ACOXL: variants seen among roughly 807,000 people sequenced by gnomAD.
ACOXL encodes acyl-coenzyme A oxidase-like protein.
In ACOXL, 70 loss-of-function variants were observed where a neutral mutation model predicts 71.9. The observed-to-expected ratio is 0.97, with a 90% confidence interval of 0.80 to 1.19. ACOXL has a LOEUF of 1.19. ACOXL is among the 50% of genes most tolerant of loss of function. The probability of loss-of-function intolerance (pLI) is 0.00; values close to 1 mark genes in which losing one functional copy is unlikely to be tolerated. For synonymous variants in ACOXL, 253 were observed against 281.6 expected, an observed-to-expected ratio of 0.90 and a Z score of 1.02; for missense variants, 703 against 736.3, an observed-to-expected ratio of 0.95 and a Z score of 0.52.
intron 10 of ACOXL, among the ~76,000 whole-genome samples, chr2:110,903,593 A>G (rs796669153): frequency 1.4e-4 from 22 of 152,382 alleles, no homozygotes; most frequent in African/African-American, 5.3e-4. Flanking sequence ...ACAGAGAGAA[A>G]TATAGCCTTT....
chr2:110,796,515 T>C (rs1159987295), intron 5 of ACOXL, among the ~76,000 whole-genome samples: 1 of 152,316 alleles, frequency 6.6e-6, no homozygotes, highest in East Asian at 1.9e-4. Context: ...AAACCTCCTT[T>C]CCCAGAGTGT....
intron 1 of ACOXL, among the ~76,000 whole-genome samples, chr2:110,738,680 A>T (rs1442915492): frequency 6.6e-6 from 1 of 152,136 alleles, no homozygotes; most frequent in Non-Finnish European, 1.5e-5. Flanking sequence ...GTGGCTTGAC[A>T]TGGGTTCTTT....
intron 12 of ACOXL, among the ~76,000 whole-genome samples, chr2:110,948,060 C>G (rs1030197797): frequency 2.0e-5 from 3 of 152,246 alleles, no homozygotes; most frequent in Admixed American, 6.5e-5. Flanking sequence ...CCCAGCTGCC[C>G]TGTTTCTCCT....
chr2:110,764,699 A>G (rs866260967), intron 1 of ACOXL, among the ~76,000 whole-genome samples: 10 of 151,950 alleles, frequency 6.6e-5, no homozygotes, highest in South Asian at 2.1e-4. Flanking sequence ...CAAATATACC[A>G]CTCTGGTGGG....
At chr2:111,045,344 G>A (rs375952404) in intron 15 of ACOXL, among the ~76,000 whole-genome samples, 5 of 152,336 alleles carry the variant, frequency 3.3e-5, no homozygotes, top group African/African-American at 1.2e-4. Context: ...ATGTCAACTT[G>A]TCATGAGGCT....
intron 14 of ACOXL, among the ~76,000 whole-genome samples, chr2:111,025,270 T>C (rs1032274863): frequency 6.6e-6 from 1 of 152,250 alleles, no homozygotes; most frequent in African/African-American, 2.4e-5. Flanking sequence ...TTGGCTATTA[T>C]GAATAAAGCT....
intron 15 of ACOXL, among the ~76,000 whole-genome samples, chr2:111,048,730 CT>C: frequency 6.6e-6 from 1 of 151,604 alleles, no homozygotes; most frequent in African/African-American, 2.4e-5. Context: ...AGAAAGACGA[CT>C]TTATATATTT....
intron 16 of ACOXL, among the ~76,000 whole-genome samples, chr2:111,087,974 G>A (rs1314089175): frequency 6.6e-6 from 1 of 152,112 alleles, no homozygotes; most frequent in South Asian, 2.1e-4. Flanking sequence ...CCATTGAAGA[G>A]TAGGCAAAGA....
At position 110,746,809 on chromosome 2, in the gene ACOXL, C is replaced by G. The variant is rs190331559; in HGVS notation, c.-23+14035C>G. Among the ~76,000 whole-genome samples, 178 of 151,776 alleles carry G rather than the reference C, an allele frequency of 1.2e-3. 2 individuals carry two copies. Among genetic ancestry groups the G allele is most frequent in the African/African-American group, 3.7e-3 (155 of 41,340 alleles). On this transcript the variant is annotated intron_variant, in intron 1 of 17. Coordinates refer to ENST00000439055, the MANE Select transcript of ACOXL (RefSeq NM_001142807.4). The stretch of plus-strand genomic sequence containing the variant: ...TGCTTGTCGGCCTCCCCCTTTCCCC[C>G]TCTTCTCCCCCCGCCCTTTAGTTGC...
At chr2:110,743,118 T>C (rs1232702894) in intron 1 of ACOXL, among the ~76,000 whole-genome samples, 2 of 152,244 alleles carry the variant, frequency 1.3e-5, no homozygotes, top group Non-Finnish European at 2.9e-5. Context: ...TCCATGGAGT[T>C]GTGTATTCTG....
intron 2 of ACOXL, among the ~76,000 whole-genome samples, chr2:110,769,021 A>G (rs994264171): frequency 1.1e-4 from 17 of 152,036 alleles, no homozygotes; most frequent in African/African-American, 4.1e-4. Context: ...AGGCGAGGGA[A>G]TAGGAGTATC....
chr2:110,876,738 C>G (rs1695956342), intron 10 of ACOXL, among the ~76,000 whole-genome samples: 1 of 152,156 alleles, frequency 6.6e-6, no homozygotes, highest in African/African-American at 2.4e-5. Flanking sequence ...TGAAATGATT[C>G]TAAAAGTATT....
chr2:111,107,053 G>T (rs763733386), intron 17 of ACOXL, among the ~76,000 whole-genome samples: 1 of 152,178 alleles, frequency 6.6e-6, no homozygotes. Context: ...TGTGGTCTCC[G>T]CTGACACCAT....
At chr2:110,946,990 C>T (rs1296637523) in intron 12 of ACOXL, among the ~76,000 whole-genome samples, 1 of 152,152 alleles carries the variant, frequency 6.6e-6, no homozygotes, top group Non-Finnish European at 1.5e-5. Context: ...TGTGACATTC[C>T]CAGTGGCCAG....
intron 2 of ACOXL, among the ~76,000 whole-genome samples, chr2:110,774,078 CGTGCA>C (rs1211159879): frequency 3.9e-5 from 6 of 152,334 alleles, no homozygotes; most frequent in Middle Eastern, 6.8e-3. Flanking sequence ...CATTATTACT[CGTGCA>C]GTGAAATACT....
chr2:110,933,672 G>A, intron 12 of ACOXL, 30 bp downstream of exon 12: 1 of 1,591,222 alleles, frequency 6.3e-7, no homozygotes, highest in Non-Finnish European at 8.6e-7. Context: ...GCCCCCGTGG[G>A]TCCCCACGAT....
intron 11 of ACOXL, among the ~76,000 whole-genome samples, chr2:110,909,459 G>A (rs1321741724): frequency 2.0e-5 from 3 of 152,094 alleles, no homozygotes; most frequent in African/African-American, 7.2e-5. Context: ...CTTGTGTGTC[G>A]TGTTATCATC....
rs116373662 is a variant in ACOXL, at chr2:110,938,121, C to T, written c.1059+4479C>T. On this transcript the variant is annotated intron_variant, in intron 12 of 17. Coordinates refer to ENST00000439055, the MANE Select transcript of ACOXL (RefSeq NM_001142807.4). ...TACTCAGTGCGAACTGTGGAGGGTC[C>T]GCAAGCAGTGCCACTTGAGCAACTT... Among the ~76,000 whole-genome samples, 1,167 of 152,284 alleles carry T rather than the reference C, an allele frequency of 7.7e-3. 9 individuals carry two copies. The highest frequency in any genetic ancestry group is 0.051 in the Middle Eastern group (15 of 294).
chr2:110,798,772 A>G (rs1347805851), intron 6 of ACOXL, 48 bp downstream of exon 6: 5 of 1,544,468 alleles, frequency 3.2e-6, no homozygotes, highest in African/African-American at 2.7e-5. Flanking sequence ...CATTAGTACT[A>G]TTTACCAGTG....
Sources: gnomAD v4.1 joint callset for allele counts (sites outside exome capture counted in the v4.1 genomes callset) on GRCh38, gnomAD v4.1.1 for gene constraint, MANE v1.5 for transcripts, NCBI Gene and HGNC (gene_info 2026-07-23, HGNC 2026-07-21) for gene names.